Variants in FGF1 observed in about 807,000 individuals in gnomAD.
The protein encoded by FGF1 is beta-endothelial cell growth factor.
FGF1 carries 9 observed loss-of-function variants against 13.4 expected under a neutral mutation model. The ratio of observed to expected loss-of-function variants is 0.67; its 90% CI spans 0.40 to 1.17. FGF1 has a LOEUF of 1.17. Among genes scored for constraint, FGF1 ranks in the 50% most tolerant of loss-of-function variants. The pLI, the probability that FGF1 is intolerant of heterozygous loss-of-function variation, is 0.01. For synonymous variants in FGF1, 93 were observed against 79.0 expected (o/e 1.18, Z -0.94); for missense variants, 156 against 192.7 (o/e 0.81, Z 1.13).
intron 1 of FGF1, among the ~76,000 whole-genome samples, chr5:142,660,451 G>A (rs773479865): frequency 6.6e-6 from 1 of 152,252 alleles, no homozygotes; most frequent in Admixed American, 6.5e-5. Context: ...GCCAGCTCTT[G>A]TTGGCTGTGG....
At chr5:142,684,714 C>T (rs189798767) in intron 1 of FGF1, among the ~76,000 whole-genome samples, 8 of 152,350 alleles carry the variant, frequency 5.3e-5, no homozygotes, top group Non-Finnish European at 8.8e-5. Flanking sequence ...TGCTGGCCAC[C>T]CTTCACTAGA....
chr5:142,680,340 G>A (rs1773474005), intron 1 of FGF1, among the ~76,000 whole-genome samples: 1 of 152,166 alleles, frequency 6.6e-6, no homozygotes, highest in Admixed American at 6.5e-5. Context: ...GGACACAGGA[G>A]TCTGGGAATG....
chr5:142,668,674 G>T (rs1770895905), intron 1 of FGF1, among the ~76,000 whole-genome samples: 1 of 152,156 alleles, frequency 6.6e-6, no homozygotes, highest in Admixed American at 6.5e-5. Flanking sequence ...TTTGTCAAAA[G>T]GTTGCAACAA....
At chr5:142,689,199 A>G (rs573860939), upstream of FGF1, among the ~76,000 whole-genome samples, 2 of 152,314 alleles carry the variant, frequency 1.3e-5, no homozygotes, top group East Asian at 3.9e-4. Context: ...CACCAGACAC[A>G]TTGCATTTTC....
At chr5:142,633,293 C>G (rs1763660745) in intron 1 of FGF1, among the ~76,000 whole-genome samples, 1 of 152,174 alleles carries the variant, frequency 6.6e-6, no homozygotes. Context: ...AATGGAATTA[C>G]TGGGGGAAAG....
At chr5:142,630,144 G>A (rs1386776916) in intron 1 of FGF1, among the ~76,000 whole-genome samples, 3 of 151,880 alleles carry the variant, frequency 2.0e-5, no homozygotes, top group Non-Finnish European at 4.4e-5. Context: ...TGCCCACCTC[G>A]GCCTCCCAAA....
intron 1 of FGF1, among the ~76,000 whole-genome samples, chr5:142,663,068 C>T (rs1769575018): frequency 6.6e-6 from 1 of 152,112 alleles, no homozygotes; most frequent in Non-Finnish European, 1.5e-5. Context: ...AAACAATCCA[C>T]CTGCCTCAGT....
Position 142,595,312 on chromosome 5 carries a change from G to T in FGF1, c.446C>A (p.Pro149His). ...HYGQKAILFL[P>H]LPVSSD ...TCTTTAATCAGAAGAGACTGGCAGGGGGAGAAACAAGATTGCTTTCTGGCC... is the reference window on the plus strand; with the variant it reads ...TCTTTAATCAGAAGAGACTGGCAGGTGGAGAAACAAGATTGCTTTCTGGCC... Residue 149 changes from proline (P) to histidine (H), a missense_variant, in exon 4 of 4, where the codon CCC (proline) becomes CAC (histidine). Pro to His is a moderately conservative substitution (Grantham distance 77, BLOSUM62 -2). Coordinates refer to ENST00000337706, the MANE Select transcript of FGF1 (RefSeq NM_000800.5). 6.2e-7 allele frequency: 1 copy of T among 1,613,962 alleles called. No individual in the cohort carries two copies. Among genetic ancestry groups the T allele is most frequent in the Non-Finnish European group, 8.5e-7 (1 of 1,179,868 alleles).
chr5:142,671,034 T>C (rs1287445215), intron 1 of FGF1, among the ~76,000 whole-genome samples: 5 of 152,156 alleles, frequency 3.3e-5, no homozygotes, highest in Admixed American at 3.3e-4. Flanking sequence ...AGCTATGAAT[T>C]AAGAGGAAAA....
Position 142,674,943 on chromosome 5 carries a change from G to T in FGF1, c.-35+11014C>A, listed in dbSNP as rs1468513922. 2.0e-5 allele frequency among the ~76,000 whole-genome samples: 3 copies of T among 152,240 alleles called. No individual in the cohort carries two copies. The East Asian group carries it at 5.8e-4, about 29-fold the overall frequency. Reference sequence around the variant, plus strand: ...CTCACCCTCCCTCTGACCTCCCCTAGGGCCCATCCAGCGTGGGAGCCGAAC... The same window carrying T: ...CTCACCCTCCCTCTGACCTCCCCTATGGCCCATCCAGCGTGGGAGCCGAAC... On this transcript the variant is annotated intron_variant, in intron 1 of 3. Coordinates refer to ENST00000337706, the MANE Select transcript of FGF1 (RefSeq NM_000800.5).
rs17217205 is a variant in FGF1 at position 142,615,101 on chromosome 5, G to T, written c.-34-940C>A. 5.1e-4 allele frequency among the ~76,000 whole-genome samples: 77 copies of T among 152,226 alleles called. 2 individuals are homozygous for T. The East Asian group carries it at 0.015, about 29-fold the overall frequency. On this transcript the variant is annotated intron_variant, in intron 1 of 3. Transcript: ENST00000337706. ...AAGGATTAAAAAACAAAACCAATGA[G>T]CATTAGAATTGGTTAAAACATATAC...
At chr5:142,683,910 C>CTTT (rs1045007464) in intron 1 of FGF1, among the ~76,000 whole-genome samples, 1 of 148,890 alleles carries the variant, frequency 6.7e-6, no homozygotes, top group Non-Finnish European at 1.5e-5. Context: ...TCCCCATGAT[C>CTTT]TTTTTAAAAT....
chr5:142,659,150 G>A (rs1197652626), intron 1 of FGF1, among the ~76,000 whole-genome samples: 1 of 149,406 alleles, frequency 6.7e-6, no homozygotes, highest in Non-Finnish European at 1.5e-5. Flanking sequence ...AAACAGGCAT[G>A]TATTTTTTTT....
In FGF1 at chr5:142,623,818, T is replaced by G. The variant is rs372742338; in HGVS notation, c.-34-9657A>C. Among the ~76,000 whole-genome samples the G allele has an allele frequency of 9.9e-5, 15 of 151,690 alleles. 2 individuals carry two copies. The highest frequency in any genetic ancestry group is 2.2e-4 in the African/African-American group (9 of 41,360). On this transcript the variant is annotated intron_variant, in intron 1 of 3. Transcript: ENST00000337706. ...GAGTGCAGAGTGCAGTGTACACTCA[T>G]GCTCACTGTAGCCTCAAATTCCTGG...
chr5:142,627,757 A>G (rs1762704796), intron 1 of FGF1, among the ~76,000 whole-genome samples: 1 of 152,124 alleles, frequency 6.6e-6, no homozygotes, highest in South Asian at 2.1e-4. Flanking sequence ...CTAGCCTTCA[A>G]GGGCCAAGTT....
At chr5:142,657,869 AC>A (rs1768455846) in intron 1 of FGF1, among the ~76,000 whole-genome samples, 1 of 151,448 alleles carries the variant, frequency 6.6e-6, no homozygotes, top group African/African-American at 2.4e-5. Context: ...GCCTTTCACC[AC>A]CTTTTGGAGT....
At chr5:142,668,408 CG>C (rs1274407893) in intron 1 of FGF1, among the ~76,000 whole-genome samples, 1 of 152,168 alleles carries the variant, frequency 6.6e-6, no homozygotes, top group Middle Eastern at 3.2e-3. Context: ...TTTATGTGAC[CG>C]TGACTTGTCA....
intron 1 of FGF1, among the ~76,000 whole-genome samples, chr5:142,657,602 C>G (rs1006033854): frequency 2.6e-5 from 4 of 152,258 alleles, no homozygotes; most frequent in Admixed American, 2.6e-4. Flanking sequence ...GAGATTCCTG[C>G]TATCTGGGTT....
chr5:142,615,602 T>C (rs779836296), intron 1 of FGF1, among the ~76,000 whole-genome samples: 4 of 152,204 alleles, frequency 2.6e-5, no homozygotes, highest in Non-Finnish European at 5.9e-5. Flanking sequence ...AGAATAAAAA[T>C]CATCACCCTC....
Sources: allele counts gnomAD v4.1 joint callset (sites outside exome capture counted in the v4.1 genomes callset), GRCh38; gene constraint gnomAD v4.1.1; transcripts MANE v1.5; gene names NCBI Gene and HGNC (gene_info 2026-07-23, HGNC 2026-07-21).